The following SPRR2G variants were observed in gnomAD, a reference collection of about 807,000 sequenced individuals.
The protein encoded by SPRR2G is small proline-rich protein 2G.
Under a neutral mutation model 0.7 loss-of-function variants are expected in SPRR2G, and 1 was observed. The observed-to-expected ratio is 1.49, with a 90% CI of 0.53 to 7.06. SPRR2G has a LOEUF of 7.06. SPRR2G is among the 30% of genes most tolerant of loss of function. SPRR2G has a pLI of 0.14. For missense variants in SPRR2G, 96 were observed against 88.5 expected, an observed-to-expected ratio of 1.09 and a Z score of -0.34; for synonymous variants, 38 against 33.9, an observed-to-expected ratio of 1.12 and a Z score of -0.42.
chr1:153,185,948 T>C, the SPRR2G span, among the ~76,000 whole-genome samples: 25 of 152,332 alleles, frequency 1.6e-4, no homozygotes, highest in African/African-American at 5.8e-4. Context: ...AGCTTATTTA[T>C]TTCTGCCTTA....
chr1:153,156,376 G>T, the SPRR2G span, among the ~76,000 whole-genome samples: 1 of 152,148 alleles, frequency 6.6e-6, no homozygotes. Context: ...GATACTCCAT[G>T]ACAATTTGTT....
the SPRR2G span, among the ~76,000 whole-genome samples, chr1:153,172,666 CCCAAAAA>C: frequency 6.6e-6 from 1 of 152,178 alleles, no homozygotes; most frequent in African/African-American, 2.4e-5. Flanking sequence ...GAATGAGGCA[CCCAAAAA>C]ACGGAAAACT....
At chr1:153,185,329 T>C in the SPRR2G span, among the ~76,000 whole-genome samples, 2 of 139,004 alleles carry the variant, frequency 1.4e-5, no homozygotes, top group African/African-American at 5.8e-5. Context: ...TGAATCCTTC[T>C]GGTCCTGGGC....
chr1:153,183,334 G>A, the SPRR2G span, among the ~76,000 whole-genome samples: 9 of 151,792 alleles, frequency 5.9e-5, no homozygotes, highest in East Asian at 1.9e-4. Context: ...TGATCCACCC[G>A]CCTCAGCCTC....
the SPRR2G span, among the ~76,000 whole-genome samples, chr1:153,192,618 C>A: frequency 6.6e-6 from 1 of 152,210 alleles, no homozygotes; most frequent in Non-Finnish European, 1.5e-5. Flanking sequence ...AATGTACCTG[C>A]TGGTTGATTT....
the SPRR2G span, among the ~76,000 whole-genome samples, chr1:153,162,000 T>C: frequency 6.6e-6 from 1 of 152,168 alleles, no homozygotes; most frequent in Non-Finnish European, 1.5e-5. Flanking sequence ...TGGTTGTTGT[T>C]GTTGTTGTTT....
chr1:153,150,456 C>A (rs948878329), intron 1 of SPRR2G, among the ~76,000 whole-genome samples: 1 of 152,168 alleles, frequency 6.6e-6, no homozygotes, highest in South Asian at 2.1e-4. Flanking sequence ...AATCTGTGCT[C>A]TTATCTTCCA....
At chr1:153,192,455 TA>T in the SPRR2G span, among the ~76,000 whole-genome samples, 1 of 152,158 alleles carries the variant, frequency 6.6e-6, no homozygotes, top group African/African-American at 2.4e-5. Context: ...ACCTGAAGGA[TA>T]AAAAATTTCA....
the SPRR2G span, among the ~76,000 whole-genome samples, chr1:153,178,006 T>C: frequency 2.0e-5 from 3 of 152,136 alleles, no homozygotes; most frequent in Non-Finnish European, 4.4e-5. Flanking sequence ...TCCTGTCTAG[T>C]TTTTCTCCAG....
At chr1:153,164,125 G>A in the SPRR2G span, among the ~76,000 whole-genome samples, 11 of 152,130 alleles carry the variant, frequency 7.2e-5, no homozygotes, top group African/African-American at 2.7e-4. Context: ...TCAAGTAACA[G>A]GTTTTACATG....
chr1:153,158,917 C>G, the SPRR2G span, among the ~76,000 whole-genome samples: 1 of 152,208 alleles, frequency 6.6e-6, no homozygotes, highest in African/African-American at 2.4e-5. Flanking sequence ...CCTGTTTTGG[C>G]CATGGCTCAA....
chr1:153,195,390 G>A, the SPRR2G span, among the ~76,000 whole-genome samples: 1 of 152,164 alleles, frequency 6.6e-6, no homozygotes, highest in Non-Finnish European at 1.5e-5. Flanking sequence ...CCATGTTTCG[G>A]TCTTCTTTGG....
At chr1:153,175,936 A>C in the SPRR2G span, among the ~76,000 whole-genome samples, 1 of 152,142 alleles carries the variant, frequency 6.6e-6, no homozygotes, top group Non-Finnish European at 1.5e-5. Flanking sequence ...GCATGCCTAT[A>C]ATCCCAGCTA....
the SPRR2G span, among the ~76,000 whole-genome samples, chr1:153,174,981 G>A: frequency 6.6e-6 from 1 of 152,154 alleles, no homozygotes; most frequent in African/African-American, 2.4e-5. Context: ...CTAGAGTAAG[G>A]TAGACCTAAC....
the SPRR2G span, among the ~76,000 whole-genome samples, chr1:153,182,592 C>T: frequency 1.3e-5 from 2 of 152,088 alleles, no homozygotes; most frequent in Non-Finnish European, 2.9e-5. Context: ...CTCCCTCTGT[C>T]CATGTGTTCT....
chr1:153,171,949 T>A, the SPRR2G span, among the ~76,000 whole-genome samples: 1 of 152,128 alleles, frequency 6.6e-6, no homozygotes, highest in Non-Finnish European at 1.5e-5. Flanking sequence ...GCTATCAGTA[T>A]CTACGTCTGT....
the SPRR2G span, among the ~76,000 whole-genome samples, chr1:153,176,808 T>C: frequency 6.6e-6 from 1 of 152,236 alleles, no homozygotes; most frequent in African/African-American, 2.4e-5. Flanking sequence ...TCATTAAGGC[T>C]AATGTGAGTA....
the SPRR2G span, among the ~76,000 whole-genome samples, chr1:153,172,338 G>A: frequency 2.0e-5 from 3 of 152,046 alleles, no homozygotes; most frequent in South Asian, 2.1e-4. Context: ...ATCACAATAC[G>A]TGGTCTGGTC....
chr1:153,183,197 G>C, the SPRR2G span, among the ~76,000 whole-genome samples: 1 of 138,552 alleles, frequency 7.2e-6, no homozygotes, highest in Non-Finnish European at 1.6e-5. Context: ...GTGTGGTGGC[G>C]CATGCCTGTA....
Sources: allele counts gnomAD v4.1 joint callset (sites outside exome capture counted in the v4.1 genomes callset), GRCh38; gene constraint gnomAD v4.1.1; transcripts MANE v1.5; gene names NCBI Gene and HGNC (gene_info 2026-07-23, HGNC 2026-07-21).